The following ALK variants were observed in gnomAD, a reference collection of about 807,000 sequenced individuals.
ALK encodes the protein ALK receptor tyrosine kinase.
In ALK, 74 loss-of-function variants were observed where a neutral mutation model predicts 163.1. That is an observed-to-expected ratio of 0.45 (90% CI 0.38 to 0.55). The LOEUF (loss-of-function observed/expected upper bound fraction) is 0.55, where lower values mean the gene tolerates loss of function less well. ALK is among the 20% of genes least tolerant of loss of function. ALK has a pLI of 0.00. For missense variants in ALK, 2,063 were observed against 2,105.3 expected, an observed-to-expected ratio of 0.98 and a Z score of 0.39; for synonymous variants, 960 against 843.2, an observed-to-expected ratio of 1.14 and a Z score of -2.40.
intron 3 of ALK, among the ~76,000 whole-genome samples, chr2:29,604,274 T>G (rs2148216612): frequency 6.6e-6 from 1 of 151,610 alleles, no homozygotes; most frequent in African/African-American, 2.4e-5. Flanking sequence ...ATAAGTAAGG[T>G]TTTGTTGGAT....
At chr2:29,288,888 G>T (rs1414216819) in intron 9 of ALK, among the ~76,000 whole-genome samples, 1 of 150,198 alleles carries the variant, frequency 6.7e-6, no homozygotes, top group African/African-American at 2.4e-5. Flanking sequence ...GGAGGTGGAG[G>T]TTGCAATGAG....
Position 29,685,582 on chromosome 2 carries a change from C to G in ALK, c.952+9268G>C, listed in dbSNP as rs139372533. Among the ~76,000 whole-genome samples, 40 of 152,286 alleles carry G rather than the reference C, an allele frequency of 2.6e-4. 1 individual carries two copies. The highest frequency in any genetic ancestry group is 9.6e-4 in the African/African-American group (40 of 41,562). On this transcript the variant is annotated intron_variant, in intron 3 of 28. Coordinates refer to ENST00000389048, the MANE Select transcript of ALK (RefSeq NM_004304.5). The stretch of plus-strand genomic sequence containing the variant: ...TGTAAGTCAGTTTGTCTTGAAGTCC[C>G]CATCAGTCCTCTGAGCCTTGTTCCT...
intron 1 of ALK, among the ~76,000 whole-genome samples, chr2:29,821,384 C>T (rs1665044048): frequency 6.6e-6 from 1 of 152,084 alleles, no homozygotes; most frequent in Non-Finnish European, 1.5e-5. Flanking sequence ...CAAGGATCTA[C>T]CACTTGGGAA....
chr2:29,851,208 A>G (rs1039947030), intron 1 of ALK, among the ~76,000 whole-genome samples: 1 of 152,214 alleles, frequency 6.6e-6, no homozygotes, highest in Admixed American at 6.5e-5. Flanking sequence ...CATGTTATTG[A>G]CAGAAAAGGC....
At chr2:29,894,849 CACAA>C (rs200342057) in intron 1 of ALK, among the ~76,000 whole-genome samples, 4,759 of 141,430 alleles carry the variant, frequency 0.034, 130 homozygotes, top group East Asian at 0.14. Context: ...CACACACACA[CACAA>C]ACACACACAC....
intron 4 of ALK, among the ~76,000 whole-genome samples, chr2:29,482,283 G>A (rs1671680835): frequency 2.0e-5 from 3 of 152,252 alleles, no homozygotes; most frequent in East Asian, 3.9e-4. Context: ...TTATTTTACT[G>A]TTTAGAGCCA....
intron 1 of ALK, among the ~76,000 whole-genome samples, chr2:29,827,674 A>T (rs1245755963): frequency 6.6e-6 from 1 of 152,194 alleles, no homozygotes; most frequent in Non-Finnish European, 1.5e-5. Flanking sequence ...TGAGAATGAA[A>T]GATGAAGATG....
chr2:29,229,194 T>C, intron 15 of ALK, 128 bp from the exon 16 acceptor site: 1 of 807,254 alleles, frequency 1.2e-6, no homozygotes, highest in Non-Finnish European at 2.1e-6. Context: ...GGGGCCCATC[T>C]TCAGTGGGGC....
chr2:29,637,917 C>T (rs7584883), intron 3 of ALK, among the ~76,000 whole-genome samples: 11 of 151,752 alleles, frequency 7.2e-5, no homozygotes, highest in Non-Finnish European at 1.6e-4. Flanking sequence ...TTAATTAAAA[C>T]ATATATAGTT....
rs1664662552 is a variant in ALK at position 29,246,084 on chromosome 2, A to G, written c.2204+5021T>C. ...TGTGGGACGACTGCCTTCGGGAGCT[A>G]TGGGCCATGCTTGACAAATGGTGTT... On this transcript the variant is annotated intron_variant, in intron 12 of 28. Coordinates refer to ENST00000389048, the MANE Select transcript of ALK (RefSeq NM_004304.5). The surrounding 1 kb of genome is among the most constrained non-coding windows in gnomAD (Gnocchi z 4.3). 6.6e-6 allele frequency among the ~76,000 whole-genome samples: 1 copy of G among 152,112 alleles called. No homozygotes were observed. Among genetic ancestry groups the G allele is most frequent in the South Asian group, 2.1e-4 (1 of 4,822 alleles).
intron 4 of ALK, among the ~76,000 whole-genome samples, chr2:29,517,727 C>A (rs78522352): frequency 0.014 from 2,089 of 152,286 alleles, 60 homozygotes; most frequent in African/African-American, 0.048. Flanking sequence ...CTTGCTTTTT[C>A]ACCAGTTCCA....
chr2:29,569,069 C>A (rs1674278480), intron 3 of ALK, among the ~76,000 whole-genome samples: 1 of 152,134 alleles, frequency 6.6e-6, no homozygotes, highest in Non-Finnish European at 1.5e-5. Flanking sequence ...GACTGAGCAC[C>A]CAGAGGGCTT....
intron 5 of ALK, among the ~76,000 whole-genome samples, chr2:29,378,855 T>G (rs1458846781): frequency 6.6e-6 from 1 of 152,092 alleles, no homozygotes; most frequent in Non-Finnish European, 1.5e-5. Context: ...AGACCACAGG[T>G]GCATGCCACC....
intron 5 of ALK, among the ~76,000 whole-genome samples, chr2:29,378,721 C>T (rs978347462): frequency 6.6e-6 from 1 of 151,734 alleles, no homozygotes; most frequent in Non-Finnish European, 1.5e-5. Flanking sequence ...CCCCTCCCTC[C>T]CTCTCTTTCT....
intron 4 of ALK, among the ~76,000 whole-genome samples, chr2:29,495,326 G>T (rs1334208138): frequency 6.6e-6 from 1 of 152,192 alleles, no homozygotes; most frequent in African/African-American, 2.4e-5. Context: ...AGGGTGGAGG[G>T]TGGCATTGGA....
intron 4 of ALK, among the ~76,000 whole-genome samples, chr2:29,497,056 A>C (rs1362749259): frequency 6.6e-6 from 1 of 152,110 alleles, no homozygotes; most frequent in Non-Finnish European, 1.5e-5. Context: ...TTATCACCTG[A>C]GGTGAGGAGT....
chr2:29,902,582 T>C (rs1046395931), intron 1 of ALK, among the ~76,000 whole-genome samples: 6 of 152,190 alleles, frequency 3.9e-5, no homozygotes, highest in African/African-American at 1.4e-4. Context: ...CCTGGCCCCA[T>C]CCTGCCCATC....
chr2:29,866,544 A>C (rs993751275), intron 1 of ALK, among the ~76,000 whole-genome samples: 2 of 152,098 alleles, frequency 1.3e-5, no homozygotes, highest in Non-Finnish European at 2.9e-5. Context: ...AGAGTTTTTT[A>C]ATTTCTATGG....
intron 2 of ALK, among the ~76,000 whole-genome samples, chr2:29,711,492 G>T (rs2148302488): frequency 6.6e-6 from 1 of 152,280 alleles, no homozygotes; most frequent in South Asian, 2.1e-4. Flanking sequence ...AAGCAAATGT[G>T]TCCTATTTGT....
Sources: gnomAD v4.1 joint callset for allele counts (sites outside exome capture counted in the v4.1 genomes callset) on GRCh38, gnomAD v4.1.1 for gene constraint, Gnocchi (gnomAD v3.1) non-coding constraint, MANE v1.5 for transcripts, NCBI Gene and HGNC (gene_info 2026-07-23, HGNC 2026-07-21) for gene names.